PSMD13: variants seen among roughly 807,000 people sequenced by gnomAD.
PSMD13 encodes the protein 26S proteasome non-ATPase regulatory subunit 13.
PSMD13 carries 8 observed loss-of-function variants against 57.4 expected under a neutral mutation model. That is an observed-to-expected ratio of 0.14 (90% CI 0.08 to 0.25). PSMD13 has a LOEUF of 0.25. Among genes scored for constraint, PSMD13 ranks in the 10% least tolerant of loss-of-function variants. PSMD13 has a pLI of 1.00. For missense variants in PSMD13, 400 were observed against 461.5 expected (o/e 0.87, Z 1.22); for synonymous variants, 193 against 168.2 (o/e 1.15, Z -1.14).
intron 1 of PSMD13, among the ~76,000 whole-genome samples, chr11:237,708 C>T (rs1263996987): frequency 6.6e-6 from 1 of 152,220 alleles, no homozygotes; most frequent in Non-Finnish European, 1.5e-5. Flanking sequence ...GTCCCATTGT[C>T]TTTACCTTCC....
chr11:249,164 A>T, intron 9 of PSMD13, 107 bp downstream of exon 9: 2 of 1,485,422 alleles, frequency 1.3e-6, no homozygotes, highest in Non-Finnish European at 1.8e-6. Flanking sequence ...GAACAGGGCA[A>T]AGAGGAGACC....
At position 247,284 on chromosome 11, in the gene PSMD13, T is replaced by C. The variant is rs369255716; in HGVS notation, c.404T>C (p.Ile135Thr). ...IGDLQVTKET[I>T]EDVEEMLNNL... ...TTTCCTTCCTGTGTATAGGAAACAA[T>C]TGAAGATGTTGAAGAAATGCTCAAC... Residue 135 changes from isoleucine to threonine, a missense_variant, in exon 7 of 13, where the codon ATT becomes ACT. Ile to Thr is a moderately conservative substitution (Grantham distance 89). Transcript: ENST00000532097. The C allele has an allele frequency of 1.2e-6, 2 of 1,611,468 alleles. No homozygotes were observed. The highest frequency in any genetic ancestry group is 1.7e-5 in the Admixed American group (1 of 59,324).
rs1009597129 is a variant in PSMD13, at chr11:243,090, G to A, written c.175-951G>A. The stretch of plus-strand genomic sequence containing the variant: ...ATTACAGGCGTGAGCCACTGCGCCC[G>A]GATGGTTACGTCTTTTTCTTTCCCT... On this transcript the variant is annotated intron_variant, in intron 2 of 12. Transcript: ENST00000532097. 5.8e-5 allele frequency: 29 copies of A among 501,186 alleles called. 1 individual carries two copies. Among genetic ancestry groups the A allele is most frequent in the African/African-American group, 1.2e-4 (6 of 52,086 alleles). 31.0% of individuals were successfully genotyped at this position (501,186 alleles called of 1,614,324 possible). A position where few individuals can be genotyped will look rare whatever the true frequency, so the allele number is the denominator to read the frequency against.
In PSMD13 at chr11:247,266, C is replaced by T. The variant is rs770612444; in HGVS notation, c.397-11C>T. 2 of 1,594,142 alleles carry T rather than the reference C, an allele frequency of 1.3e-6. No individual in the cohort carries two copies. The highest frequency in any genetic ancestry group is 2.2e-5 in the East Asian group (1 of 44,466). On this transcript the variant is annotated splice_polypyrimidine_tract_variant and intron_variant, in intron 6 of 12. Transcript: ENST00000532097. ...CTTAAAAAGAGAGATGATTTTCCTT[C>T]CTGTGTATAGGAAACAATTGAAGAT...
At position 251,812 on chromosome 11, in the gene PSMD13, C is replaced by G. The variant is rs767517084; in HGVS notation, c.919-8C>G. The G allele has an allele frequency of 6.2e-7, 1 of 1,613,224 alleles. No individual in the cohort carries two copies. Among genetic ancestry groups the G allele is most frequent in the Non-Finnish European group, 8.5e-7 (1 of 1,179,308 alleles). On this transcript the variant is annotated splice_polypyrimidine_tract_variant and splice_region_variant and intron_variant, in intron 11 of 12. Coordinates refer to ENST00000532097, the MANE Select transcript of PSMD13 (RefSeq NM_002817.4). This position sits in a 1 kb window ranked among gnomAD's most constrained non-coding sequence, Gnocchi z 4.6. Reference sequence around the variant, plus strand: ...TCTTGTCTTACACACGCCTCCCTCTCTGCACAGGTGGAGCTTCTGGTGATG... The same window carrying G: ...TCTTGTCTTACACACGCCTCCCTCTGTGCACAGGTGGAGCTTCTGGTGATG...
rs1859757914 is a variant in PSMD13 at position 251,108 on chromosome 11, C to G, written c.837+243C>G. 7.6e-6 allele frequency: 4 copies of G among 524,640 alleles called. No homozygotes were observed. The East Asian group carries it at 1.3e-4, about 17-fold the overall frequency. 32.5% of individuals were successfully genotyped at this position (524,640 alleles called of 1,614,324 possible). ...GCCACCACCCTGAGGCCTTCCCTGA[C>G]CATCTGAACTGAGATGAAGTAGCTG... On this transcript the variant is annotated intron_variant, in intron 10 of 12. Coordinates refer to ENST00000532097, the MANE Select transcript of PSMD13 (RefSeq NM_002817.4). This position sits in a 1 kb window ranked among gnomAD's most constrained non-coding sequence, Gnocchi z 4.6.
rs1345316389 is a variant in PSMD13 at position 251,807 on chromosome 11, CCT to C, written c.919-8_919-7del. On this transcript the variant is annotated splice_polypyrimidine_tract_variant and intron_variant, in intron 11 of 12. Coordinates refer to ENST00000532097, the MANE Select transcript of PSMD13 (RefSeq NM_002817.4). The surrounding 1 kb of genome is among the most constrained non-coding windows in gnomAD (Gnocchi z 4.6). Reference sequence around the variant, plus strand: ...GGCTATCTTGTCTTACACACGCCTCCCTCTCTGCACAGGTGGAGCTTCTGGTG... The same window carrying C: ...GGCTATCTTGTCTTACACACGCCTCCCTCTGCACAGGTGGAGCTTCTGGTG... 3 of 1,612,078 alleles carry C rather than the reference CCT, an allele frequency of 1.9e-6. No homozygotes were observed. The highest frequency in any genetic ancestry group is 1.6e-4 in the Middle Eastern group (1 of 6,080).
chr11:237,958 G>T (rs1859390461), intron 1 of PSMD13, among the ~76,000 whole-genome samples: 1 of 152,200 alleles, frequency 6.6e-6, no homozygotes, highest in Non-Finnish European at 1.5e-5. Context: ...TTCCATACAT[G>T]TTTTGATGAT....
intron 10 of PSMD13, 95 bp downstream of exon 10, chr11:250,960 C>T (rs1859755616): frequency 1.8e-6 from 2 of 1,098,720 alleles, no homozygotes; most frequent in East Asian, 4.8e-5. Flanking sequence ...GCAGTGTGAG[C>T]TTTCAGTGGT....
intron 7 of PSMD13, chr11:248,473 C>T: frequency 2.7e-6 from 1 of 372,986 alleles, no homozygotes; most frequent in Non-Finnish European, 4.9e-6. Flanking sequence ...AAATTTATTC[C>T]TTGCCATAGC....
intron 2 of PSMD13, chr11:243,332 T>C: frequency 2.7e-6 from 1 of 374,484 alleles, no homozygotes; most frequent in Non-Finnish European, 5.4e-6. Flanking sequence ...AGAGAACATT[T>C]TATTTTTCTC....
intron 6 of PSMD13, among the ~76,000 whole-genome samples, chr11:245,008 T>G (rs1053505686): frequency 6.7e-6 from 1 of 148,816 alleles, no homozygotes; most frequent in South Asian, 2.1e-4. Flanking sequence ...TGGTGCAATC[T>G]CGGCCCACCG....
chr11:244,364 G>A, intron 4 of PSMD13, 62 bp from the exon 5 acceptor site: 3 of 1,590,508 alleles, frequency 1.9e-6, no homozygotes, highest in Non-Finnish European at 2.6e-6. Flanking sequence ...CCTACCTAAG[G>A]GTGTCTTGGT....
chr11:242,624 T>A (rs7395328), intron 2 of PSMD13, among the ~76,000 whole-genome samples: 120,487 of 151,938 alleles, frequency 0.79, 48,069 homozygotes, highest in African/African-American at 0.88. Context: ...ATATAAATTT[T>A]TTTCACTGTC....
chr11:250,664 G>A (rs1440105558), intron 9 of PSMD13, 139 bp from the exon 10 acceptor site: 7 of 684,244 alleles, frequency 1.0e-5, no homozygotes. Flanking sequence ...AGCTTCAGCA[G>A]TCTGCAATGT....
intron 1 of PSMD13, among the ~76,000 whole-genome samples, chr11:238,383 A>C (rs1458398726): frequency 6.6e-6 from 1 of 152,230 alleles, no homozygotes; most frequent in Non-Finnish European, 1.5e-5. Flanking sequence ...AAGTTAAGTG[A>C]TCTCAAAGTG....
In PSMD13 at chr11:251,755, G is replaced by A. The variant is rs1859768911; in HGVS notation, c.919-65G>A. The A allele has an allele frequency of 6.4e-6, 10 of 1,557,378 alleles. No individual in the cohort carries two copies. The highest frequency in any genetic ancestry group is 8.8e-6 in the Non-Finnish European group (10 of 1,132,066). On this transcript the variant is annotated intron_variant, in intron 11 of 12. Transcript: ENST00000532097. The surrounding 1 kb of genome is among the most constrained non-coding windows in gnomAD (Gnocchi z 4.6). ...GAGGAGCGGCATCTGCTTCTCACAA[G>A]CCATCTGGGTCCATGGGGGTGTGTC...
Position 252,748 on chromosome 11 carries a change from A to C in PSMD13, c.*148A>C, listed in dbSNP as rs1172652040. On this transcript the variant is annotated 3_prime_UTR_variant, in exon 13 of 13. Coordinates refer to ENST00000532097, the MANE Select transcript of PSMD13 (RefSeq NM_002817.4). This position sits in a 1 kb window ranked among gnomAD's most constrained non-coding sequence, Gnocchi z 4.1. ...TACAGACTGTTCTTGCTCTAAAAAC[A>C]GGACTGTCCCTGATGGGAGCCAGGC... is the stretch of plus-strand genomic sequence containing the variant. 1 of 699,196 alleles carries C rather than the reference A, an allele frequency of 1.4e-6. No individual in the cohort carries two copies. Among genetic ancestry groups the C allele is most frequent in the Non-Finnish European group, 2.4e-6 (1 of 417,150 alleles). 43.3% of individuals were successfully genotyped at this position (699,196 alleles called of 1,614,324 possible). A position where few individuals can be genotyped will look rare whatever the true frequency, so the allele number is the denominator to read the frequency against.
At chr11:246,817 CTGTTTG>C (rs1312997835) in intron 6 of PSMD13, among the ~76,000 whole-genome samples, 1 of 152,142 alleles carries the variant, frequency 6.6e-6, no homozygotes, top group Admixed American at 6.5e-5. Context: ...ATTGGCCATT[CTGTTTG>C]TGTCCCCAAA....
Sources: allele counts gnomAD v4.1 joint callset (sites outside exome capture counted in the v4.1 genomes callset), GRCh38; gene constraint gnomAD v4.1.1; non-coding constraint Gnocchi (gnomAD v3.1); transcripts MANE v1.5; gene names NCBI Gene and HGNC (gene_info 2026-07-23, HGNC 2026-07-21).